The following EHBP1 variants were observed in gnomAD, a reference collection of about 807,000 sequenced individuals.
EHBP1 encodes the protein EH domain-binding protein 1.
EHBP1 carries 55 observed loss-of-function variants against 144.0 expected under a neutral mutation model. The ratio of observed to expected loss-of-function variants is 0.38; its 90% CI spans 0.31 to 0.48. EHBP1 has a LOEUF of 0.48. Ranked by LOEUF, EHBP1 falls within the 20% of genes least tolerant of loss-of-function variation. The pLI is 0.98. For missense variants in EHBP1, 1,200 were observed against 1,364.2 expected, an observed-to-expected ratio of 0.88 and a Z score of 1.90; for synonymous variants, 469 against 472.7, an observed-to-expected ratio of 0.99 and a Z score of 0.10.
chr2:62,810,754 C>G (rs552725186), intron 5 of EHBP1, among the ~76,000 whole-genome samples: 30 of 152,290 alleles, frequency 2.0e-4, no homozygotes, highest in African/African-American at 7.2e-4. Context: ...TTATATTTCT[C>G]TCAGAACATC....
Position 63,037,688 on chromosome 2 carries a change from C to T in EHBP1, c.3203+54C>T, listed in dbSNP as rs897349469. ...CCTACAACATTGATAAATCTTAGGC[C>T]TCTTGTTATTGCCTTCTTTGGGATT... On this transcript the variant is annotated intron_variant, in intron 20 of 22. Transcript: ENST00000431489. The T allele has an allele frequency of 7.3e-5, 75 of 1,022,698 alleles. No individual in the cohort carries two copies. In the Admixed American group the frequency reaches 1.2e-3, roughly 16 times the overall value. The allele number at this position is 1,022,698 out of a possible 1,614,324, so 63.4% of individuals were successfully genotyped here.
intron 13 of EHBP1, among the ~76,000 whole-genome samples, chr2:62,953,678 C>G (rs193083562): frequency 6.6e-6 from 1 of 151,348 alleles, no homozygotes; most frequent in African/African-American, 2.4e-5. Flanking sequence ...TCTCTGGGTA[C>G]CAGGACTACT....
chr2:62,829,521 C>T (rs2046626144), intron 6 of EHBP1, among the ~76,000 whole-genome samples: 1 of 150,998 alleles, frequency 6.6e-6, no homozygotes, highest in Non-Finnish European at 1.5e-5. Context: ...ATCCAGGTTG[C>T]TGCAAATGCC....
chr2:62,754,729 A>T (rs1016695053), intron 3 of EHBP1, among the ~76,000 whole-genome samples: 2 of 152,148 alleles, frequency 1.3e-5, no homozygotes, highest in Non-Finnish European at 2.9e-5. Flanking sequence ...TTGCAGTTCA[A>T]TCTCCGACTG....
At chr2:62,962,463 T>C (rs1199457285) in intron 14 of EHBP1, among the ~76,000 whole-genome samples, 1 of 152,240 alleles carries the variant, frequency 6.6e-6, no homozygotes, top group African/African-American at 2.4e-5. Flanking sequence ...TATATACTTG[T>C]ATAGGTATCT....
chr2:62,899,249 G>C (rs1261868869), intron 10 of EHBP1, among the ~76,000 whole-genome samples: 2 of 152,152 alleles, frequency 1.3e-5, no homozygotes, highest in South Asian at 4.1e-4. Context: ...TGAGAACAAG[G>C]CCATGGGGGA....
At chr2:62,722,074 G>A (rs1414920593) in intron 2 of EHBP1, among the ~76,000 whole-genome samples, 1 of 151,498 alleles carries the variant, frequency 6.6e-6, no homozygotes, top group African/African-American at 2.4e-5. Context: ...AGAGTAAGTT[G>A]TACCATAGTG....
chr2:62,954,698 T>C (rs1036076936), intron 13 of EHBP1, among the ~76,000 whole-genome samples: 3 of 152,196 alleles, frequency 2.0e-5, no homozygotes, highest in Non-Finnish European at 4.4e-5. Context: ...ACTTATTTTC[T>C]TTTCCTTGAC....
At position 62,963,606 on chromosome 2, in the gene EHBP1, G is replaced by A. The variant is rs542473060; in HGVS notation, c.2460+7946G>A. ...AAAATTAAGTTCAAGTTAAAATTTC[G>A]TATTTTTCCTAATTACACATATTAT... On this transcript the variant is annotated intron_variant, in intron 14 of 22. Coordinates refer to ENST00000431489, the MANE Select transcript of EHBP1 (RefSeq NM_001142616.3). Among the ~76,000 whole-genome samples the A allele has an allele frequency of 1.0e-3, 153 of 152,072 alleles. 1 individual carries two copies. The South Asian group carries it at 0.027, about 27-fold the overall frequency.
intron 21 of EHBP1, among the ~76,000 whole-genome samples, chr2:63,041,984 TAA>T (rs2061677772): frequency 6.6e-6 from 1 of 152,148 alleles, no homozygotes; most frequent in Non-Finnish European, 1.5e-5. Context: ...GCCCTATATA[TAA>T]AAAAGAGTTT....
intron 2 of EHBP1, among the ~76,000 whole-genome samples, chr2:62,711,881 A>G (rs976722545): frequency 1.3e-5 from 2 of 152,192 alleles, no homozygotes; most frequent in Non-Finnish European, 1.5e-5. Context: ...GAATGGTTCA[A>G]TGGAGTGGTG....
At chr2:62,880,133 G>T (rs2051277116) in intron 10 of EHBP1, among the ~76,000 whole-genome samples, 1 of 152,128 alleles carries the variant, frequency 6.6e-6, no homozygotes, top group African/African-American at 2.4e-5. Flanking sequence ...TATTCAACAA[G>T]TGGTGCCAGG....
chr2:62,781,296 C>A (rs1328840976), intron 5 of EHBP1, among the ~76,000 whole-genome samples: 1 of 151,968 alleles, frequency 6.6e-6, no homozygotes, highest in Non-Finnish European at 1.5e-5. Flanking sequence ...CTTCAAAATC[C>A]AAAATCTCTA....
chr2:62,869,564 G>T (rs1345381049), intron 9 of EHBP1, among the ~76,000 whole-genome samples: 1 of 152,124 alleles, frequency 6.6e-6, no homozygotes, highest in Non-Finnish European at 1.5e-5. Flanking sequence ...TTAAACTCTA[G>T]AATATGCAAA....
At chr2:62,747,909 C>T (rs1216439237) in intron 3 of EHBP1, among the ~76,000 whole-genome samples, 1 of 151,972 alleles carries the variant, frequency 6.6e-6, no homozygotes. Flanking sequence ...TGCCCTCTGC[C>T]TTCTGCCACA....
At chr2:62,991,460 C>T (rs1480593377) in intron 16 of EHBP1, among the ~76,000 whole-genome samples, 3 of 151,932 alleles carry the variant, frequency 2.0e-5, no homozygotes, top group Non-Finnish European at 2.9e-5. Context: ...AGAATTCTAG[C>T]GCATTTTTCA....
intron 1 of EHBP1, among the ~76,000 whole-genome samples, chr2:62,691,563 T>C (rs79350243): frequency 0.027 from 4,036 of 152,250 alleles, 101 homozygotes; most frequent in Non-Finnish European, 0.042. Context: ...AAAAGGAGAA[T>C]GGGTATTGAC....
chr2:62,715,750 G>C (rs1423016682), intron 2 of EHBP1, among the ~76,000 whole-genome samples: 1 of 152,134 alleles, frequency 6.6e-6, no homozygotes, highest in Non-Finnish European at 1.5e-5. Context: ...GGGATGATGG[G>C]TAACAAGACT....
intron 19 of EHBP1, among the ~76,000 whole-genome samples, chr2:62,997,450 G>A (rs2059685387): frequency 1.3e-5 from 2 of 151,202 alleles, no homozygotes; most frequent in African/African-American, 2.4e-5. Context: ...GTGTGTGTGT[G>A]TGTGTGTGTG....
Sources: gnomAD v4.1 joint callset for allele counts (sites outside exome capture counted in the v4.1 genomes callset) on GRCh38, gnomAD v4.1.1 for gene constraint, MANE v1.5 for transcripts, NCBI Gene and HGNC (gene_info 2026-07-23, HGNC 2026-07-21) for gene names.